Variants in UQCRFS1 observed in about 807,000 individuals in gnomAD.
UQCRFS1 encodes the protein cytochrome b-c1 complex subunit Rieske, mitochondrial.
In UQCRFS1, 6 loss-of-function variants were observed where a neutral mutation model predicts 15.6. The observed-to-expected ratio is 0.38, with a 90% confidence interval of 0.21 to 0.76. UQCRFS1 has a LOEUF of 0.76. UQCRFS1 is among the 30% of genes least tolerant of loss of function. The probability of loss-of-function intolerance (pLI) is 0.44; values close to 1 mark genes in which losing one functional copy is unlikely to be tolerated. For missense variants in UQCRFS1, 203 were observed against 366.7 expected (o/e 0.55, Z 3.65); for synonymous variants, 105 against 154.3 (o/e 0.68, Z 2.37).
Position 29,206,324 on chromosome 19 carries a change from C to A in UQCRFS1, c.*1224G>T, listed in dbSNP as rs1976594333. 6.6e-6 allele frequency: 1 copy of A among 152,202 alleles called. No homozygotes were observed. Among genetic ancestry groups the A allele is most frequent in the Non-Finnish European group, 1.5e-5 (1 of 68,050 alleles). 9.4% of individuals were successfully genotyped at this position (152,202 alleles called of 1,614,324 possible). A position where few individuals can be genotyped will look rare whatever the true frequency, so the allele number is the denominator to read the frequency against. ...TTTTCTTTTTTCTGTCAACACCTAG[C>A]TATTAACATCAAAGGCTGGAATCCT... is the stretch of plus-strand genomic sequence containing the variant. On this transcript the variant is annotated 3_prime_UTR_variant, in exon 2 of 2. Transcript: ENST00000304863.
At chr19:29,212,753 G>A (rs1033012114) in intron 1 of UQCRFS1, 152 bp downstream of exon 1, 23 of 810,134 alleles carry the variant, frequency 2.8e-5, no homozygotes, top group African/African-American at 1.1e-4. Flanking sequence ...AAGACGCCCC[G>A]AGCCCGGGGG....
rs1474306607 is a variant in UQCRFS1 at position 29,205,583 on chromosome 19, A to T, written c.*1965T>A. ...TAACACTTTTTAAAGCATAATGAAA[A>T]CACTTGGCTCTCAAGATTGTCCCAA... On this transcript the variant is annotated 3_prime_UTR_variant, in exon 2 of 2. Transcript: ENST00000304863. The T allele has an allele frequency of 6.6e-6, 1 of 152,208 alleles. No homozygotes were observed. Among genetic ancestry groups the T allele is most frequent in the African/African-American group, 2.4e-5 (1 of 41,454 alleles). The allele number at this position is 152,208 out of a possible 1,614,324, so 9.4% of individuals were successfully genotyped here.
intron 1 of UQCRFS1, among the ~76,000 whole-genome samples, chr19:29,212,274 T>A (rs1302180748): frequency 6.6e-6 from 1 of 152,328 alleles, no homozygotes; most frequent in East Asian, 1.9e-4. Flanking sequence ...TCATTCTACC[T>A]CGTCTGTTTT....
intron 1 of UQCRFS1, among the ~76,000 whole-genome samples, chr19:29,212,082 G>T (rs965325533): frequency 2.6e-5 from 4 of 152,186 alleles, no homozygotes; most frequent in Non-Finnish European, 5.9e-5. Flanking sequence ...ACTGCCCACA[G>T]GCTGCCATTT....
At chr19:29,212,184 G>T (rs921683946) in intron 1 of UQCRFS1, among the ~76,000 whole-genome samples, 1 of 152,166 alleles carries the variant, frequency 6.6e-6, no homozygotes, top group Non-Finnish European at 1.5e-5. Flanking sequence ...AATAGCCCCT[G>T]CGAAGAGCTC....
intron 1 of UQCRFS1, among the ~76,000 whole-genome samples, chr19:29,212,027 A>G (rs931676810): frequency 6.6e-6 from 1 of 152,252 alleles, no homozygotes; most frequent in African/African-American, 2.4e-5. Flanking sequence ...AAGAGATGCC[A>G]TTAGTCTTCC....
intron 1 of UQCRFS1, among the ~76,000 whole-genome samples, chr19:29,208,577 TAGA>T (rs1268088776): frequency 1.3e-5 from 2 of 152,324 alleles, no homozygotes; most frequent in African/African-American, 4.8e-5. Flanking sequence ...CTCTCTGGAT[TAGA>T]AGGACACCCT....
chr19:29,207,552 C>T lies in UQCRFS1; in HGVS notation c.821G>A (p.Gly274Asp). The change falls in exon 2 of 2, where the codon GGT becomes GAT. Residue 274 changes from glycine to aspartate, a missense_variant. Gly to Asp is a moderately conservative substitution (Grantham distance 94). Transcript: ENST00000304863. ...EFTSDDMVIV[G>D] ...TATGACTTGAGTCCAAGTCTCTTAACCAACAATCACCATATCGTCACTGGT... is the reference window on the plus strand; with the variant it reads ...TATGACTTGAGTCCAAGTCTCTTAATCAACAATCACCATATCGTCACTGGT... The T allele has an allele frequency of 6.2e-7, 1 of 1,601,710 alleles. No individual in the cohort carries two copies. The highest frequency in any genetic ancestry group is 1.1e-5 in the South Asian group (1 of 89,908).
At chr19:29,211,615 A>G in intron 1 of UQCRFS1, among the ~76,000 whole-genome samples, 1 of 152,208 alleles carries the variant, frequency 6.6e-6, no homozygotes, top group East Asian at 1.9e-4. Context: ...CAATAAACAC[A>G]ATACAGAGTG....
intron 1 of UQCRFS1, among the ~76,000 whole-genome samples, chr19:29,212,276 G>A (rs1282540676): frequency 3.9e-5 from 6 of 152,116 alleles, no homozygotes; most frequent in African/African-American, 1.4e-4. Flanking sequence ...ATTCTACCTC[G>A]TCTGTTTTCT....
In UQCRFS1 at chr19:29,207,749, A is replaced by G. The variant is rs1467252297; in HGVS notation, c.624T>C (p.Pro208=). Reference sequence around the variant, plus strand: ...AAACACCTATCAGGATAACCCATTCAGGTTTCTTTACTCGATCTAGATCAT... The same window carrying G: ...AAACACCTATCAGGATAACCCATTCGGGTTTCTTTACTCGATCTAGATCAT... ...PQHDLDRVKK[P]EWVILIGVCT... is the part of the protein sequence containing the mutation. The change falls in exon 2 of 2, where the codon CCT becomes CCC. Residue 208 remains proline, a synonymous_variant. Coordinates refer to ENST00000304863, the MANE Select transcript of UQCRFS1 (RefSeq NM_006003.3). The G allele has an allele frequency of 1.2e-6, 2 of 1,614,004 alleles. No homozygotes were observed. The highest frequency in any genetic ancestry group is 3.3e-5 in the Admixed American group (2 of 60,026).
chr19:29,211,546 G>T (rs1479961445), intron 1 of UQCRFS1, among the ~76,000 whole-genome samples: 1 of 152,160 alleles, frequency 6.6e-6, no homozygotes. Flanking sequence ...GTGAAAGATA[G>T]AAAAATAAAG....
At position 29,207,310 on chromosome 19, in the gene UQCRFS1, A is replaced by C. The variant is rs1299434916; in HGVS notation, c.*238T>G. 1 of 440,236 alleles carries C rather than the reference A, an allele frequency of 2.3e-6. No homozygotes were observed. Among genetic ancestry groups the C allele is most frequent in the Admixed American group, 4.1e-5 (1 of 24,536 alleles). The allele number at this position is 440,236 out of a possible 1,614,324, so 27.3% of individuals were successfully genotyped here. A position where few individuals can be genotyped will look rare whatever the true frequency, so the allele number is the denominator to read the frequency against. On this transcript the variant is annotated 3_prime_UTR_variant, in exon 2 of 2. Coordinates refer to ENST00000304863, the MANE Select transcript of UQCRFS1 (RefSeq NM_006003.3). Reference sequence around the variant, plus strand: ...TAATTTTTAATTAGAATTAGCTAAAAGACATTGTACCTTTCGCGTGTATGA... The same window carrying C: ...TAATTTTTAATTAGAATTAGCTAAACGACATTGTACCTTTCGCGTGTATGA...
At chr19:29,210,075 G>T (rs1203216245) in intron 1 of UQCRFS1, among the ~76,000 whole-genome samples, 1 of 152,178 alleles carries the variant, frequency 6.6e-6, no homozygotes, top group Non-Finnish European at 1.5e-5. Flanking sequence ...AATACTTAAA[G>T]GAGAAAATTT....
At chr19:29,212,063 T>C (rs1976658631) in intron 1 of UQCRFS1, among the ~76,000 whole-genome samples, 1 of 152,220 alleles carries the variant, frequency 6.6e-6, no homozygotes, top group African/African-American at 2.4e-5. Context: ...CTACACAGCC[T>C]GCAGACACAC....
chr19:29,209,166 CA>C (rs55709605), intron 1 of UQCRFS1, among the ~76,000 whole-genome samples: 141,298 of 151,960 alleles, frequency 0.93, 65,707 homozygotes, highest in East Asian at 1. Context: ...AATATCTGAC[CA>C]AAAAAAAATT....
rs1009045661 is a variant in UQCRFS1 at position 29,205,678 on chromosome 19, TGTAA to T, written c.*1866_*1869del. On this transcript the variant is annotated 3_prime_UTR_variant, in exon 2 of 2. Transcript: ENST00000304863. The stretch of plus-strand genomic sequence containing the variant: ...GGGTGCTAGCTGGTCAGGTTTATTC[TGTAA>T]GTAATTTTCTCCTACTATCTAGGAT... 3 of 152,376 alleles carry T rather than the reference TGTAA, an allele frequency of 2.0e-5. No individual in the cohort carries two copies. Among genetic ancestry groups the T allele is most frequent in the East Asian group, 1.9e-4 (1 of 5,192 alleles). 9.4% of individuals were successfully genotyped at this position (152,376 alleles called of 1,614,324 possible).
intron 1 of UQCRFS1, among the ~76,000 whole-genome samples, chr19:29,211,910 C>T (rs551841457): frequency 6.6e-6 from 1 of 152,332 alleles, no homozygotes; most frequent in African/African-American, 2.4e-5. Context: ...CTGTGACAAA[C>T]TGGAGAAGAC....
chr19:29,208,038 C>G lies in UQCRFS1; in HGVS notation c.335G>C (p.Gly112Ala), dbSNP rs1165630730. 23 of 1,613,916 alleles carry G rather than the reference C, an allele frequency of 1.4e-5. No individual in the cohort carries two copies. Among genetic ancestry groups the G allele is most frequent in the Non-Finnish European group, 1.9e-5 (22 of 1,179,898 alleles). ...TACTCCAGTTACCAAATAGGAGAAA[C>G]CTTTCCTAGCCTCGCTGCTTTCTCT... ...SSRESSEARK[G>A]FSYLVTGVTT... The change falls in exon 2 of 2, where the codon GGT (glycine) becomes GCT (alanine). Residue 112 changes from glycine to alanine, a missense_variant. By Grantham distance (60) the Gly-to-Ala change is moderately conservative. This residue lies in a region of UQCRFS1 where 92 missense variants were observed against 120.5 expected (regional missense o/e 0.76). Transcript: ENST00000304863.
Sources: allele counts gnomAD v4.1 joint callset (sites outside exome capture counted in the v4.1 genomes callset), GRCh38; gene constraint gnomAD v4.1.1; regional missense constraint gnomAD v4.1.1; transcripts MANE v1.5; gene names NCBI Gene and HGNC (gene_info 2026-07-23, HGNC 2026-07-21).